ASXL2: variants seen among roughly 807,000 people sequenced by gnomAD.
The protein encoded by ASXL2 is putative Polycomb group protein ASXL2.
A neutral mutation model predicts 122.0 loss-of-function variants in ASXL2; 23 were observed. The ratio of observed to expected loss-of-function variants is 0.19; its 90% CI spans 0.14 to 0.27. ASXL2 has a LOEUF of 0.27. Ranked by LOEUF, ASXL2 falls within the 10% of genes least tolerant of loss-of-function variation. ASXL2 has a pLI of 1.00. For synonymous variants in ASXL2, 650 were observed against 637.0 expected (o/e 1.02, Z -0.31); for missense variants, 1,518 against 1,713.8 (o/e 0.89, Z 2.02).
intron 1 of ASXL2, among the ~76,000 whole-genome samples, chr2:25,863,027 A>G (rs2089857735): frequency 6.6e-6 from 1 of 152,190 alleles, no homozygotes; most frequent in South Asian, 2.1e-4. Flanking sequence ...AAATTTTAAA[A>G]TGCAAACTAA....
chr2:25,761,772 A>G (rs11888724), intron 8 of ASXL2, among the ~76,000 whole-genome samples: 42,158 of 151,704 alleles, frequency 0.28, 6,184 homozygotes, highest in African/African-American at 0.33. Flanking sequence ...CTGACAGAAA[A>G]TAACCACTAA....
At chr2:25,810,585 T>A in intron 3 of ASXL2, 1 of 731,898 alleles carries the variant, frequency 1.4e-6, no homozygotes, top group Non-Finnish European at 2.4e-6. Context: ...CTCTCTCCTC[T>A]GCATCATCTG....
At chr2:25,754,000 A>G (rs2088090468) in intron 10 of ASXL2, among the ~76,000 whole-genome samples, 1 of 152,326 alleles carries the variant, frequency 6.6e-6, no homozygotes, top group South Asian at 2.1e-4. Flanking sequence ...TGTGCTTTCA[A>G]TAAACTATGC....
chr2:25,830,411 C>T (rs1300181779), intron 3 of ASXL2, among the ~76,000 whole-genome samples: 1 of 152,108 alleles, frequency 6.6e-6, no homozygotes, highest in East Asian at 1.9e-4. Flanking sequence ...ACAGGTATAT[C>T]ACCTGAGGTC....
chr2:25,810,555 T>G, intron 3 of ASXL2: 1 of 721,512 alleles, frequency 1.4e-6, no homozygotes, highest in Non-Finnish European at 2.5e-6. Context: ...CTCCTTCAGC[T>G]TCTCGCTGGA....
intron 5 of ASXL2, among the ~76,000 whole-genome samples, chr2:25,787,365 A>G (rs1052470610): frequency 1.3e-5 from 2 of 152,220 alleles, no homozygotes; most frequent in Non-Finnish European, 2.9e-5. Context: ...GGAATAGGAT[A>G]CACCTGGGCC....
At position 25,878,175 on chromosome 2, in the gene ASXL2, G is replaced by T; in HGVS notation, c.48C>A (p.Ala16=). The T allele has an allele frequency of 6.2e-7, 1 of 1,613,708 alleles. No homozygotes were observed. The highest frequency in any genetic ancestry group is 8.5e-7 in the Non-Finnish European group (1 of 1,179,866). The change falls in exon 1 of 13, where the codon GCC becomes GCA. Residue 16 remains alanine, a synonymous_variant. Coordinates refer to ENST00000435504, the MANE Select transcript of ASXL2 (RefSeq NM_018263.6). Reference sequence around the variant, plus strand: ...GCTCCCTCCCCCTTACCGTCTTGGCGGCCTCCGCCCAGGTCCTGCCCTTCT... The same window carrying T: ...GCTCCCTCCCCCTTACCGTCTTGGCTGCCTCCGCCCAGGTCCTGCCCTTCT... ...RRKKGRTWAE[A]AKTVLEKYPN...
At position 25,740,111 on chromosome 2, in the gene ASXL2, G is replaced by C. The variant is rs529106000; in HGVS notation, c.*1918C>G. ...GTGTGCTGGAAGAAAGGAGAAAGATGGACAGACATATCGTTCTGGCTGAAG... is the reference window on the plus strand; with the variant it reads ...GTGTGCTGGAAGAAAGGAGAAAGATCGACAGACATATCGTTCTGGCTGAAG... On this transcript the variant is annotated 3_prime_UTR_variant, in exon 13 of 13. Transcript: ENST00000435504. 2 of 225,724 alleles carry C rather than the reference G, an allele frequency of 8.9e-6. No individual in the cohort carries two copies. Among genetic ancestry groups the C allele is most frequent in the Non-Finnish European group, 1.8e-5 (2 of 113,436 alleles). 14.0% of individuals were successfully genotyped at this position (225,724 alleles called of 1,614,324 possible).
chr2:25,734,898 G>T lies in ASXL2; in HGVS notation c.*7131C>A, dbSNP rs905722282. On this transcript the variant is annotated 3_prime_UTR_variant, in exon 13 of 13. Transcript: ENST00000435504. ...TCTTAAAAAGAAATCTCTCAAAAAT[G>T]GAATAAGCTACTTAATTCAAAGTTT... The T allele has an allele frequency of 1.3e-5, 2 of 152,080 alleles. No individual in the cohort carries two copies. The highest frequency in any genetic ancestry group is 4.8e-5 in the African/African-American group (2 of 41,410). The allele number at this position is 152,080 out of a possible 1,614,324, so 9.4% of individuals were successfully genotyped here. A position where few individuals can be genotyped will look rare whatever the true frequency, so the allele number is the denominator to read the frequency against.
At chr2:25,829,804 G>A (rs2089429604) in intron 3 of ASXL2, among the ~76,000 whole-genome samples, 1 of 152,184 alleles carries the variant, frequency 6.6e-6, no homozygotes, top group Non-Finnish European at 1.5e-5. Flanking sequence ...AAGCAAGTGG[G>A]AGAAGATCAC....
chr2:25,788,521 A>C (rs2088782554), intron 5 of ASXL2, among the ~76,000 whole-genome samples: 1 of 152,188 alleles, frequency 6.6e-6, no homozygotes, highest in Non-Finnish European at 1.5e-5. Flanking sequence ...CAGTTTTCCA[A>C]AGTAGTTGTA....
At chr2:25,752,098 T>C (rs925581246) in intron 11 of ASXL2, among the ~76,000 whole-genome samples, 14 of 152,286 alleles carry the variant, frequency 9.2e-5, no homozygotes, top group Admixed American at 3.9e-4. Context: ...TTAATCTCAA[T>C]AGGAATATTT....
At chr2:25,770,828 G>T (rs2088436239) in intron 6 of ASXL2, among the ~76,000 whole-genome samples, 1 of 152,118 alleles carries the variant, frequency 6.6e-6, no homozygotes, top group Non-Finnish European at 1.5e-5. Context: ...AAATCCCAAA[G>T]AAAACAAACC....
intron 6 of ASXL2, among the ~76,000 whole-genome samples, chr2:25,770,512 T>C (rs1186100511): frequency 6.6e-6 from 1 of 152,138 alleles, no homozygotes; most frequent in Non-Finnish European, 1.5e-5. Flanking sequence ...CTCAGCACTT[T>C]GGAAGGTCGA....
chr2:25,759,596 G>C lies in ASXL2; in HGVS notation c.825C>G (p.Asp275Glu), dbSNP rs1266235197. Residue 275 changes from aspartate (D) to glutamate (E), a missense_variant, in exon 9 of 13, where the codon GAC becomes GAG. By Grantham distance (45) the Asp-to-Glu change is conservative (BLOSUM62 2). This residue lies in a region of ASXL2 where 92 missense variants were observed against 156.6 expected (regional missense o/e 0.59). Coordinates refer to ENST00000435504, the MANE Select transcript of ASXL2 (RefSeq NM_018263.6). ...KCADIDVETP[D>E]SILVNTNLRA... The stretch of plus-strand genomic sequence containing the variant: ...GCAGATTTGTATTAACCAGAATGGA[G>C]TCCGGTGTCTCAACGTCAATGTCAG... The C allele has an allele frequency of 2.5e-6, 4 of 1,613,778 alleles. No individual in the cohort carries two copies. In the Admixed American group the frequency reaches 5.0e-5, roughly 20 times the overall value.
intron 1 of ASXL2, among the ~76,000 whole-genome samples, chr2:25,856,080 C>T (rs907116987): frequency 6.7e-5 from 10 of 150,054 alleles, no homozygotes; most frequent in East Asian, 2.0e-4. Context: ...TTTTTTGAGA[C>T]GGAGTCTCAC....
At chr2:25,854,384 C>T (rs2089753352) in intron 1 of ASXL2, among the ~76,000 whole-genome samples, 1 of 152,132 alleles carries the variant, frequency 6.6e-6, no homozygotes, top group Admixed American at 6.6e-5. Context: ...ATACTATCAG[C>T]CCATTTTTTT....
intron 8 of ASXL2, among the ~76,000 whole-genome samples, chr2:25,765,214 G>A (rs541212062): frequency 3.9e-5 from 6 of 152,022 alleles, no homozygotes; most frequent in African/African-American, 9.7e-5. Context: ...GGCTGGGGGC[G>A]GTGGCTCATG....
chr2:25,840,955 A>C (rs2089571991), intron 2 of ASXL2, among the ~76,000 whole-genome samples: 1 of 152,214 alleles, frequency 6.6e-6, no homozygotes, highest in South Asian at 2.1e-4. Flanking sequence ...CACCTTTAAG[A>C]AGCATAGTAC....
Sources: gnomAD v4.1 joint callset for allele counts (sites outside exome capture counted in the v4.1 genomes callset) on GRCh38, gnomAD v4.1.1 for gene constraint, gnomAD v4.1.1 regional missense constraint, MANE v1.5 for transcripts, NCBI Gene and HGNC (gene_info 2026-07-23, HGNC 2026-07-21) for gene names.